The following ZNF879 variants were observed in gnomAD, a reference collection of about 807,000 sequenced individuals.
The protein encoded by ZNF879 is zinc finger protein 879.
A neutral mutation model predicts 44.3 loss-of-function variants in ZNF879; 32 were observed. The ratio of observed to expected loss-of-function variants is 0.72; its 90% CI spans 0.54 to 0.97. The LOEUF (loss-of-function observed/expected upper bound fraction) is 0.97. Among genes scored for constraint, ZNF879 ranks in the 50% least tolerant of loss-of-function variants. ZNF879 has a pLI of 0.00. For synonymous variants in ZNF879, 234 were observed against 233.2 expected (o/e 1.00, Z -0.03); for missense variants, 621 against 669.7 (o/e 0.93, Z 0.80).
intron 2 of ZNF879, among the ~76,000 whole-genome samples, chr5:179,026,687 CTA>C (rs1410946451): frequency 1.3e-5 from 2 of 152,176 alleles, no homozygotes; most frequent in African/African-American, 4.8e-5. Flanking sequence ...TGAGGTCTCT[CTA>C]TGTTGCCCAG....
At chr5:179,029,507 A>G (rs1023410905) in intron 4 of ZNF879, among the ~76,000 whole-genome samples, 1 of 152,214 alleles carries the variant, frequency 6.6e-6, no homozygotes, top group Admixed American at 6.5e-5. Context: ...AAGGACCAGA[A>G]TGGTAGCTAT....
chr5:179,028,522 T>C (rs1329175257), intron 4 of ZNF879, among the ~76,000 whole-genome samples: 1 of 152,136 alleles, frequency 6.6e-6, no homozygotes, highest in East Asian at 1.9e-4. Flanking sequence ...GGAACCATCT[T>C]TTGCTTTGAT....
intron 4 of ZNF879, among the ~76,000 whole-genome samples, chr5:179,030,566 T>C (rs1363038891): frequency 9.2e-5 from 14 of 152,222 alleles, no homozygotes; most frequent in Non-Finnish European, 1.5e-5. Flanking sequence ...GGAAGCTTAA[T>C]TTCAATCCAT....
intron 1 of ZNF879, 146 bp downstream of exon 1, chr5:179,024,050 A>C (rs1450130518): frequency 1.3e-5 from 2 of 152,112 alleles, no homozygotes; most frequent in South Asian, 4.1e-4. Flanking sequence ...CCGGCCCCGG[A>C]GGGGGCGTGG....
In ZNF879 at chr5:179,027,468, T is replaced by A. The variant is rs772708607; in HGVS notation, c.34-5T>A. 1 of 1,613,758 alleles carries A rather than the reference T, an allele frequency of 6.2e-7. No individual in the cohort carries two copies. The highest frequency in any genetic ancestry group is 8.5e-7 in the Non-Finnish European group (1 of 1,179,930). On this transcript the variant is annotated splice_region_variant and splice_polypyrimidine_tract_variant and intron_variant, in intron 2 of 4. Coordinates refer to ENST00000444149, the MANE Select transcript of ZNF879 (RefSeq NM_001136116.3). The stretch of plus-strand genomic sequence containing the variant: ...GGATGAACAGGAGTGGGTTTGCCAT[T>A]CCAGGAGTCCGTGACGTTCAGGGAT...
chr5:179,033,149 G>A lies in ZNF879; in HGVS notation c.1201G>A (p.Ala401Thr). 1 of 1,588,920 alleles carries A rather than the reference G, an allele frequency of 6.3e-7. No homozygotes were observed. Among genetic ancestry groups the A allele is most frequent in the Non-Finnish European group, 8.6e-7 (1 of 1,167,458 alleles). Residue 401 changes from alanine to threonine, a missense_variant, in exon 5 of 5, where the codon GCA (alanine) becomes ACA (threonine). Transcript: ENST00000444149. ...AATTCACACTGGTGAGAAACCATAT[G>A]CATGCAAAGAATGTGGGAAAGCCTT... The part of the protein sequence containing the change: ...QRIHTGEKPY[A>T]CKECGKAFSQ...
intron 2 of ZNF879, among the ~76,000 whole-genome samples, chr5:179,026,989 C>T (rs186534725): frequency 4.3e-4 from 65 of 152,366 alleles, no homozygotes; most frequent in African/African-American, 1.4e-3. Flanking sequence ...CTGGAACATT[C>T]TCATAGCCTT....
chr5:179,032,837 T>C lies in ZNF879; in HGVS notation c.889T>C (p.Phe297Leu). 6.4e-7 allele frequency: 1 copy of C among 1,557,130 alleles called. No individual in the cohort carries two copies. The highest frequency in any genetic ancestry group is 8.7e-7 in the Non-Finnish European group (1 of 1,150,340). ...TAAATGCAAGGAATGTGGAAAAACA[T>C]TTAAAGGTAGTTCATCTCTTAATAA... The part of the protein sequence containing the change: ...PYKCKECGKT[F>L]KGSSSLNNHQ... Residue 297 changes from phenylalanine to leucine, a missense_variant, in exon 5 of 5, where the codon TTT (phenylalanine) becomes CTT (leucine). Transcript: ENST00000444149.
chr5:179,032,087 T>C, intron 4 of ZNF879, 118 bp from the exon 5 acceptor site: 1 of 831,956 alleles, frequency 1.2e-6, no homozygotes, highest in Non-Finnish European at 1.8e-6. Flanking sequence ...TCCTCTTCTT[T>C]TTCCCATCCT....
rs1761526082 is a variant in ZNF879, at chr5:179,034,403, A to G, written c.*763A>G. ...CAGACAACCACTGCTTTTGCAATTTACTGAAAAATGTTATAAATTATCTCA... is the reference window on the plus strand; with the variant it reads ...CAGACAACCACTGCTTTTGCAATTTGCTGAAAAATGTTATAAATTATCTCA... On this transcript the variant is annotated 3_prime_UTR_variant, in exon 5 of 5. Coordinates refer to ENST00000444149, the MANE Select transcript of ZNF879 (RefSeq NM_001136116.3). The G allele has an allele frequency of 6.6e-6, 1 of 152,252 alleles. No individual in the cohort carries two copies. The highest frequency in any genetic ancestry group is 1.5e-5 in the Non-Finnish European group (1 of 68,044). The allele number at this position is 152,252 out of a possible 1,614,324, so 9.4% of individuals were successfully genotyped here. A position where few individuals can be genotyped will look rare whatever the true frequency, so the allele number is the denominator to read the frequency against.
At chr5:179,024,681 C>G in intron 1 of ZNF879, 1 of 353,700 alleles carries the variant, frequency 2.8e-6, no homozygotes, top group South Asian at 5.9e-5. Context: ...TCTGAATGAG[C>G]CTTGCCTGAT....
At chr5:179,027,256 G>A (rs997147461) in intron 2 of ZNF879, among the ~76,000 whole-genome samples, 6 of 152,206 alleles carry the variant, frequency 3.9e-5, no homozygotes, top group Non-Finnish European at 8.8e-5. Context: ...TTGTTTCATG[G>A]GTTCAAGTGC....
chr5:179,026,003 T>G (rs1761258217), intron 2 of ZNF879, among the ~76,000 whole-genome samples: 1 of 149,028 alleles, frequency 6.7e-6, no homozygotes, highest in African/African-American at 2.5e-5. Context: ...GAGAATCACT[T>G]GAACCCGGAA....
In ZNF879 at chr5:179,033,419, A is replaced by T; in HGVS notation, c.1471A>T (p.Lys491Ter). 6.4e-7 allele frequency: 1 copy of T among 1,560,926 alleles called. No individual in the cohort carries two copies. The highest frequency in any genetic ancestry group is 8.7e-7 in the Non-Finnish European group (1 of 1,152,506). Residue 491 changes from lysine (K) to a stop codon, truncating the protein, a stop_gained, in exon 5 of 5, where the codon AAA (lysine) becomes TAA (stop). Coordinates refer to ENST00000444149, the MANE Select transcript of ZNF879 (RefSeq NM_001136116.3). LOFTEE classifies it high-confidence loss of function. ...ACCTTATAAATGTAATGACTGTGAG[A>T]AAGCCTTCAACCAAAGCTCAGCTCT... ...EKPYKCNDCE[K>*]AFNQSSALIQ...
rs372643663 is a variant in ZNF879, at chr5:179,028,426, C to G, written c.256+299C>G. 1.0e-3 allele frequency among the ~76,000 whole-genome samples: 155 copies of G among 151,892 alleles called. 1 individual carries two copies. The highest frequency in any genetic ancestry group is 3.6e-3 in the African/African-American group (148 of 41,414). ...TATCCTTGCTTTTACTGGATTGATTCTTTTCCTAAATTATTTTCCTTAGTG... is the reference window on the plus strand; with the variant it reads ...TATCCTTGCTTTTACTGGATTGATTGTTTTCCTAAATTATTTTCCTTAGTG... On this transcript the variant is annotated intron_variant, in intron 4 of 4. Coordinates refer to ENST00000444149, the MANE Select transcript of ZNF879 (RefSeq NM_001136116.3).
intron 2 of ZNF879, among the ~76,000 whole-genome samples, chr5:179,026,398 G>A (rs1761271194): frequency 6.6e-6 from 1 of 152,216 alleles, no homozygotes; most frequent in Non-Finnish European, 1.5e-5. Context: ...ACTTTTTCTG[G>A]TGGTAGAAAG....
At chr5:179,025,732 C>T (rs942510814) in intron 2 of ZNF879, among the ~76,000 whole-genome samples, 1 of 152,130 alleles carries the variant, frequency 6.6e-6, no homozygotes, top group Non-Finnish European at 1.5e-5. Context: ...GCCTGACCAA[C>T]ATGGTGAAAC....
chr5:179,033,457 GA>G lies in ZNF879; in HGVS notation c.1510del (p.Arg504GlufsTer25), dbSNP rs776173615. ...AAAGCTCAGCTCTAATTCAGCACCAGAGAATTCATACTGGAGAGAAACCATA... is the reference window on the plus strand; with the variant it reads ...AAAGCTCAGCTCTAATTCAGCACCAGGAATTCATACTGGAGAGAAACCATA... ...NQSSALIQHQ[R>X]IHTGEKPYNC... On this transcript the variant is annotated frameshift_variant, in exon 5 of 5. Transcript: ENST00000444149. LOFTEE classifies it high-confidence loss of function. The G allele has an allele frequency of 7.7e-6, 12 of 1,565,430 alleles. No individual in the cohort carries two copies. Among genetic ancestry groups the G allele is most frequent in the Non-Finnish European group, 1.0e-5 (12 of 1,155,148 alleles).
Position 179,024,977 on chromosome 5 carries a change from C to A in ZNF879, c.-28C>A. The A allele has an allele frequency of 6.4e-7, 1 of 1,551,498 alleles. No homozygotes were observed. Among genetic ancestry groups the A allele is most frequent in the Non-Finnish European group, 8.7e-7 (1 of 1,146,872 alleles). On this transcript the variant is annotated 5_prime_UTR_variant, in exon 2 of 5. Transcript: ENST00000444149. ...CTTTTTTCTCCATTCCAGGTGCCTT[C>A]TCCAAGAGAGGCAGCAGGGAGGGAG...
Sources: allele counts gnomAD v4.1 joint callset (sites outside exome capture counted in the v4.1 genomes callset), GRCh38; gene constraint gnomAD v4.1.1; transcripts MANE v1.5; gene names NCBI Gene and HGNC (gene_info 2026-07-23, HGNC 2026-07-21).